Variants in PPFIBP1 observed in about 807,000 individuals in gnomAD.
PPFIBP1 encodes the protein PPFIB scaffold protein 1.
PPFIBP1 carries 112 observed loss-of-function variants against 137.8 expected under a neutral mutation model. That is an observed-to-expected ratio of 0.81 (90% confidence interval 0.70 to 0.95). The LOEUF (loss-of-function observed/expected upper bound fraction) is 0.95. Among genes scored for constraint, PPFIBP1 ranks in the 40% least tolerant of loss-of-function variants. The probability of loss-of-function intolerance (pLI) is 0.00; values close to 1 mark genes in which losing one functional copy is unlikely to be tolerated. For missense variants in PPFIBP1, 1,083 were observed against 1,196.6 expected (o/e 0.91, Z 1.40); for synonymous variants, 378 against 417.3 (o/e 0.91, Z 1.15).
At chr12:27,639,051 C>T (rs1207592223) in intron 4 of PPFIBP1, among the ~76,000 whole-genome samples, 13 of 152,118 alleles carry the variant, frequency 8.5e-5, no homozygotes, top group African/African-American at 3.1e-4. Flanking sequence ...ATTGCTCCTG[C>T]CTGTTTGTTT....
At chr12:27,683,317 G>C (rs1023631673) in intron 24 of PPFIBP1, among the ~76,000 whole-genome samples, 2 of 152,100 alleles carry the variant, frequency 1.3e-5, no homozygotes, top group Admixed American at 1.3e-4. Flanking sequence ...TGCCTGCCTC[G>C]GCCTCCCAAA....
Position 27,680,055 on chromosome 12 carries a change from C to G in PPFIBP1, c.1889C>G (p.Ser630Cys). 1 of 1,613,990 alleles carries G rather than the reference C, an allele frequency of 6.2e-7. No individual in the cohort carries two copies. Among genetic ancestry groups the G allele is most frequent in the Non-Finnish European group, 8.5e-7 (1 of 1,179,920 alleles). Residue 630 changes from serine to cysteine, a missense_variant, in exon 21 of 30, where the codon TCT becomes TGT. Ser to Cys is a moderately radical substitution (Grantham distance 112). Coordinates refer to ENST00000228425, the MANE Select transcript of PPFIBP1 (RefSeq NM_003622.4). ...GGTTGGTCTCGAGACTTGGGACAGT[C>G]TAACAGGTAAGAAGAGCCAACTGAT... is the stretch of plus-strand genomic sequence containing the variant. ...RLGWSRDLGQ[S>C]NSDLDMPFAK... is the part of the protein sequence containing the mutation.
chr12:27,531,078 A>C (rs767616574), intron 1 of PPFIBP1, among the ~76,000 whole-genome samples: 9 of 152,220 alleles, frequency 5.9e-5, no homozygotes, highest in Non-Finnish European at 1.3e-4. Flanking sequence ...ATCATAGTTC[A>C]TCTTTTCTTT....
Position 27,565,558 on chromosome 12 carries a change from C to T in PPFIBP1, c.-123-12594C>T, listed in dbSNP as rs201117382. Reference sequence around the variant, plus strand: ...TCTTTTCCTTCCTGTCTCACATGTCCAGTTGTTTTCTCTCTACCTTTTATC... The same window carrying T: ...TCTTTTCCTTCCTGTCTCACATGTCTAGTTGTTTTCTCTCTACCTTTTATC... On this transcript the variant is annotated intron_variant, in intron 1 of 29. Coordinates refer to ENST00000228425, the MANE Select transcript of PPFIBP1 (RefSeq NM_003622.4). 8.5e-5 allele frequency among the ~76,000 whole-genome samples: 13 copies of T among 152,166 alleles called. No homozygotes were observed. In the East Asian group the frequency reaches 1.4e-3, roughly 16 times the overall value.
At chr12:27,676,179 A>G (rs1416145382) in intron 17 of PPFIBP1, among the ~76,000 whole-genome samples, 1 of 152,246 alleles carries the variant, frequency 6.6e-6, no homozygotes. Context: ...AGCCCTAGAC[A>G]TATCGATTCT....
At chr12:27,580,866 T>G (rs2051033745) in intron 2 of PPFIBP1, among the ~76,000 whole-genome samples, 1 of 151,826 alleles carries the variant, frequency 6.6e-6, no homozygotes, top group Non-Finnish European at 1.5e-5. Context: ...GAAACTAGGG[T>G]CATTTTGCAC....
At chr12:27,660,707 A>C (rs2059492629) in intron 10 of PPFIBP1, among the ~76,000 whole-genome samples, 177 bp from the exon 11 acceptor site, 1 of 152,242 alleles carries the variant, frequency 6.6e-6, no homozygotes, top group Non-Finnish European at 1.5e-5. Flanking sequence ...GAAGATGTCC[A>C]TCTTTTCAGA....
At chr12:27,545,709 T>C (rs144056887) in intron 1 of PPFIBP1, among the ~76,000 whole-genome samples, 27 of 152,302 alleles carry the variant, frequency 1.8e-4, no homozygotes, top group Non-Finnish European at 2.9e-4. Context: ...AAATGCCAAC[T>C]TGGCAAGAGT....
At chr12:27,634,620 T>C (rs2075376) in intron 3 of PPFIBP1, among the ~76,000 whole-genome samples, 89,709 of 152,030 alleles carry the variant, frequency 0.59, 27,002 homozygotes, top group Admixed American at 0.65. Context: ...TCCATCATCT[T>C]CATGAGGCCA....
At chr12:27,671,206 C>G (rs1441097350) in intron 13 of PPFIBP1, among the ~76,000 whole-genome samples, 2 of 152,146 alleles carry the variant, frequency 1.3e-5, no homozygotes, top group East Asian at 3.8e-4. Context: ...TATTCAGTGT[C>G]TTATTCAGAA....
chr12:27,666,366 A>G (rs1041367387), intron 12 of PPFIBP1, among the ~76,000 whole-genome samples: 6 of 148,096 alleles, frequency 4.1e-5, no homozygotes, highest in Non-Finnish European at 8.8e-5. Flanking sequence ...ATAACACTAA[A>G]TTCTAATAGA....
intron 2 of PPFIBP1, among the ~76,000 whole-genome samples, chr12:27,597,802 G>T (rs1446095627): frequency 3.9e-5 from 6 of 151,970 alleles, no homozygotes; most frequent in Non-Finnish European, 5.9e-5. Context: ...ATTTATTTAT[G>T]TATTTATTTA....
In PPFIBP1 at chr12:27,599,451, T is replaced by G. The variant is rs775937725; in HGVS notation, c.-36+21212T>G. The G allele has an allele frequency of 7.9e-5, 36 of 455,918 alleles. 1 individual carries two copies. The highest frequency in any genetic ancestry group is 5.6e-4 in the South Asian group (36 of 64,548). 28.2% of individuals were successfully genotyped at this position (455,918 alleles called of 1,614,324 possible). On this transcript the variant is annotated intron_variant, in intron 2 of 29. Coordinates refer to ENST00000228425, the MANE Select transcript of PPFIBP1 (RefSeq NM_003622.4). ...GGGTCTCCAGCTTGCAGTTAGCAGA[T>G]CTTGGGACTTCTCAGCCTACATAAA... is the stretch of plus-strand genomic sequence containing the variant.
chr12:27,650,409 A>T (rs1013355045), intron 7 of PPFIBP1, among the ~76,000 whole-genome samples: 5 of 152,170 alleles, frequency 3.3e-5, no homozygotes, highest in Admixed American at 2.0e-4. Flanking sequence ...AATACTTTTG[A>T]CTTTACGATA....
intron 7 of PPFIBP1, 74 bp downstream of exon 7, chr12:27,650,215 C>G: frequency 2.3e-6 from 3 of 1,316,660 alleles, no homozygotes; most frequent in African/African-American, 3.0e-5. Context: ...CACATACATT[C>G]CTAGGGCAAA....
At chr12:27,555,115 G>C (rs974076190) in intron 1 of PPFIBP1, among the ~76,000 whole-genome samples, 1 of 152,140 alleles carries the variant, frequency 6.6e-6, no homozygotes, top group African/African-American at 2.4e-5. Context: ...GTTGACAGGA[G>C]GTGGCAAGAT....
rs1449134741 is a variant in PPFIBP1, at chr12:27,688,427, A to G, written c.2496+4A>G. 6.2e-7 allele frequency: 1 copy of G among 1,612,776 alleles called. No individual in the cohort carries two copies. The highest frequency in any genetic ancestry group is 1.1e-5 in the South Asian group (1 of 90,738). ...TGGTGTCCATGGTGGGCTCATGGTA[A>G]AGCTCTGATTTAATTTAAAATTGAC... On this transcript the variant is annotated splice_donor_region_variant and intron_variant, in intron 26 of 29. Coordinates refer to ENST00000228425, the MANE Select transcript of PPFIBP1 (RefSeq NM_003622.4).
At chr12:27,531,910 G>A in intron 1 of PPFIBP1, among the ~76,000 whole-genome samples, 1 of 152,098 alleles carries the variant, frequency 6.6e-6, no homozygotes, top group East Asian at 1.9e-4. Flanking sequence ...ATTAACTATA[G>A]CATAGGGATG....
At chr12:27,632,865 T>TTG (rs142783779) in intron 2 of PPFIBP1, among the ~76,000 whole-genome samples, 2 of 152,100 alleles carry the variant, frequency 1.3e-5, no homozygotes, top group African/African-American at 4.8e-5. Context: ...ATGTGTGTGT[T>TTG]TGTGTGTGTG....
Sources: allele counts gnomAD v4.1 joint callset (sites outside exome capture counted in the v4.1 genomes callset), GRCh38; gene constraint gnomAD v4.1.1; transcripts MANE v1.5; gene names NCBI Gene and HGNC (gene_info 2026-07-23, HGNC 2026-07-21).